Variants in FBN2 observed in about 807,000 individuals in gnomAD.
FBN2 encodes the protein fibrillin 2.
In FBN2, 105 loss-of-function variants were observed where a neutral mutation model predicts 355.6. That is an observed-to-expected ratio of 0.30 (90% CI 0.25 to 0.35). The LOEUF (loss-of-function observed/expected upper bound fraction) is 0.35, where lower values mean the gene tolerates loss of function less well. FBN2 is among the 10% of genes least tolerant of loss of function. The pLI is 1.00. For synonymous variants in FBN2, 1,350 were observed against 1,301.2 expected, an observed-to-expected ratio of 1.04 and a Z score of -0.81; for missense variants, 3,280 against 3,758.7, an observed-to-expected ratio of 0.87 and a Z score of 3.33.
rs780039862 is a variant in FBN2 at position 128,305,857 on chromosome 5, T to C, written c.5514A>G (p.Gly1838=). Residue 1838 remains glycine (G), a synonymous_variant, in exon 43 of 65, where the codon GGA becomes GGG. Transcript: ENST00000262464. ...IGSFRCECPT[G]FSYNDLLLVC... Reference sequence around the variant, plus strand: ...CCAACAGCAGGTCATTGTAACTGAATCCTGTAGGGCATTCACAGCGGAAAC... The same window carrying C: ...CCAACAGCAGGTCATTGTAACTGAACCCTGTAGGGCATTCACAGCGGAAAC... 9 of 1,614,008 alleles carry C rather than the reference T, an allele frequency of 5.6e-6. No individual in the cohort carries two copies. The East Asian group carries it at 1.8e-4, about 32-fold the overall frequency.
chr5:128,397,111 G>A (rs1172241988), intron 8 of FBN2, among the ~76,000 whole-genome samples: 2 of 152,138 alleles, frequency 1.3e-5, no homozygotes, highest in East Asian at 1.9e-4. Context: ...AGCACTAAAT[G>A]TGATGTATGC....
chr5:128,438,426 A>AT, intron 7 of FBN2, among the ~76,000 whole-genome samples: 2 of 152,304 alleles, frequency 1.3e-5, no homozygotes, highest in South Asian at 4.1e-4. Flanking sequence ...TTTTAATGAG[A>AT]TTTTTCTCTG....
intron 5 of FBN2, among the ~76,000 whole-genome samples, chr5:128,497,379 T>C (rs1221820347): frequency 6.6e-6 from 1 of 152,210 alleles, no homozygotes; most frequent in African/African-American, 2.4e-5. Flanking sequence ...GGATCTGGTT[T>C]GATAATCATC....
chr5:128,376,895 G>A (rs775082141), intron 13 of FBN2, 42 bp from the exon 14 acceptor site: 11 of 1,609,644 alleles, frequency 6.8e-6, no homozygotes, highest in South Asian at 5.5e-5. Flanking sequence ...TGGCCTTGAG[G>A]GAACCAATTC....
At chr5:128,403,200 AAC>A (rs752529413) in intron 8 of FBN2, among the ~76,000 whole-genome samples, 2 of 152,048 alleles carry the variant, frequency 1.3e-5, no homozygotes, top group South Asian at 4.1e-4. Context: ...GGAAAAAAAA[AAC>A]CCATATACTG....
At chr5:128,312,581 C>A (rs1344211848) in intron 37 of FBN2, 53 bp downstream of exon 37, 3 of 1,605,116 alleles carry the variant, frequency 1.9e-6, no homozygotes, top group Non-Finnish European at 2.6e-6. Flanking sequence ...AAAATGGCAA[C>A]AAATCTTTAG....
At chr5:128,484,837 T>A (rs1561479904) in intron 5 of FBN2, among the ~76,000 whole-genome samples, 1 of 152,280 alleles carries the variant, frequency 6.6e-6, no homozygotes, top group South Asian at 2.1e-4. Flanking sequence ...CAGGCTCTTG[T>A]GCACTCCGTA....
intron 6 of FBN2, among the ~76,000 whole-genome samples, chr5:128,453,473 C>T (rs1207065767): frequency 6.6e-6 from 1 of 152,158 alleles, no homozygotes; most frequent in Non-Finnish European, 1.5e-5. Context: ...TCTGGCCTTC[C>T]TATAACTGAT....
intron 34 of FBN2, among the ~76,000 whole-genome samples, chr5:128,324,195 C>T (rs1039701005): frequency 3.3e-5 from 5 of 152,034 alleles, no homozygotes; most frequent in Admixed American, 6.6e-5. Context: ...TCTTATTTGT[C>T]TCACTAGCAG....
At chr5:128,486,948 T>C (rs1405745273) in intron 5 of FBN2, among the ~76,000 whole-genome samples, 1 of 152,200 alleles carries the variant, frequency 6.6e-6, no homozygotes, top group Admixed American at 6.6e-5. Flanking sequence ...CATGAACTCA[T>C]GCAACTCTTA....
At chr5:128,458,703 G>T (rs1754475159) in intron 6 of FBN2, among the ~76,000 whole-genome samples, 1 of 152,022 alleles carries the variant, frequency 6.6e-6, no homozygotes, top group Non-Finnish European at 1.5e-5. Context: ...TGACTCCTGG[G>T]TAAATACTGA....
chr5:128,520,602 C>T (rs544944567), intron 4 of FBN2, among the ~76,000 whole-genome samples: 4 of 152,092 alleles, frequency 2.6e-5, no homozygotes, highest in Admixed American at 6.6e-5. Flanking sequence ...TATGTTGAAC[C>T]GGATAGATTG....
At chr5:128,429,516 TTAAC>T (rs1446120757) in intron 7 of FBN2, among the ~76,000 whole-genome samples, 1 of 152,200 alleles carries the variant, frequency 6.6e-6, no homozygotes, top group Admixed American at 6.5e-5. Context: ...TAATATGTAA[TTAAC>T]TAGCCATTGC....
chr5:128,446,119 ATG>A (rs1754057833), intron 7 of FBN2: 1 of 193,656 alleles, frequency 5.2e-6, no homozygotes, highest in Non-Finnish European at 1.0e-5. Context: ...TCATTTACAC[ATG>A]ATACTGTATT....
chr5:128,369,368 G>C (rs775817721), intron 15 of FBN2, 34 bp from the exon 16 acceptor site: 1 of 1,611,508 alleles, frequency 6.2e-7, no homozygotes, highest in South Asian at 1.1e-5. Context: ...ACTTGAGGCA[G>C]TGATAGAGAC....
At position 128,268,205 on chromosome 5, in the gene FBN2, A is replaced by C. The variant is rs529951048; in HGVS notation, c.7960+3794T>G. On this transcript the variant is annotated intron_variant, in intron 62 of 64. Transcript: ENST00000262464. Reference sequence around the variant, plus strand: ...GATAAAGGTGATATCACCACTGATCACACAGAAATACAAACTACCATCAGA... The same window carrying C: ...GATAAAGGTGATATCACCACTGATCCCACAGAAATACAAACTACCATCAGA... Among the ~76,000 whole-genome samples, 9 of 152,274 alleles carry C rather than the reference A, an allele frequency of 5.9e-5. No homozygotes were observed. In the South Asian group the frequency reaches 1.9e-3, roughly 32 times the overall value.
chr5:128,355,006 C>T (rs1751464411), intron 20 of FBN2, among the ~76,000 whole-genome samples: 1 of 151,932 alleles, frequency 6.6e-6, no homozygotes, highest in Non-Finnish European at 1.5e-5. Context: ...AAACAGAGGT[C>T]CAAAGACGGA....
intron 5 of FBN2, among the ~76,000 whole-genome samples, chr5:128,505,806 T>A (rs1385094764): frequency 6.6e-6 from 1 of 152,208 alleles, no homozygotes; most frequent in Middle Eastern, 3.2e-3. Flanking sequence ...AATTCATTAC[T>A]TTTTTAACAA....
chr5:128,484,698 A>G (rs956536741), intron 5 of FBN2, among the ~76,000 whole-genome samples: 8 of 152,202 alleles, frequency 5.3e-5, no homozygotes, highest in African/African-American at 1.7e-4. Context: ...AGAAAACCTT[A>G]TAAGACATGA....
Sources: gnomAD v4.1 joint callset for allele counts (sites outside exome capture counted in the v4.1 genomes callset) on GRCh38, gnomAD v4.1.1 for gene constraint, MANE v1.5 for transcripts, NCBI Gene and HGNC (gene_info 2026-07-23, HGNC 2026-07-21) for gene names.